SYN3: variants seen among roughly 807,000 people sequenced by gnomAD.
SYN3 encodes synapsin III, also known as synapsin-3.
In SYN3, 35 loss-of-function variants were observed where a neutral mutation model predicts 65.8. That is an observed-to-expected ratio of 0.53 (90% CI 0.41 to 0.70). SYN3 has a LOEUF of 0.70. SYN3 is among the 30% of genes least tolerant of loss of function. The pLI is 0.00. For missense variants in SYN3, 680 were observed against 749.0 expected (o/e 0.91, Z 1.08); for synonymous variants, 270 against 292.9 (o/e 0.92, Z 0.80).
chr22:32,956,335 T>C (rs1200872822), intron 3 of SYN3, among the ~76,000 whole-genome samples: 1 of 151,946 alleles, frequency 6.6e-6, no homozygotes. Context: ...TTTGTATTTT[T>C]AGTAGAGACA....
intron 7 of SYN3, among the ~76,000 whole-genome samples, chr22:32,543,048 T>C (rs2058283831): frequency 6.6e-6 from 1 of 152,044 alleles, no homozygotes. Flanking sequence ...GTGGGGTTGG[T>C]CTCGGCCACA....
At chr22:32,692,657 G>C (rs2060681103) in intron 6 of SYN3, among the ~76,000 whole-genome samples, 1 of 152,204 alleles carries the variant, frequency 6.6e-6, no homozygotes, top group African/African-American at 2.4e-5. Flanking sequence ...ATTCTTTAAA[G>C]TTCAGCTCAT....
At chr22:32,953,073 T>C (rs1335537162) in intron 3 of SYN3, among the ~76,000 whole-genome samples, 1 of 152,228 alleles carries the variant, frequency 6.6e-6, no homozygotes, top group African/African-American at 2.4e-5. Context: ...ACTAATTAAT[T>C]TGATTATCAC....
At chr22:32,538,214 G>T (rs2146215072) in intron 8 of SYN3, 104 bp from the exon 9 acceptor site, 6 of 965,350 alleles carry the variant, frequency 6.2e-6, no homozygotes, top group Non-Finnish European at 1.0e-5. Flanking sequence ...CAAATAACTG[G>T]CTCACGTAAT....
intron 3 of SYN3, among the ~76,000 whole-genome samples, chr22:32,957,257 A>C (rs2051494649): frequency 6.6e-6 from 1 of 152,212 alleles, no homozygotes; most frequent in Non-Finnish European, 1.5e-5. Flanking sequence ...AAGTAAACGC[A>C]AACATGGGTA....
chr22:33,021,308 T>C (rs2053555267), intron 1 of SYN3, among the ~76,000 whole-genome samples: 1 of 152,210 alleles, frequency 6.6e-6, no homozygotes, highest in South Asian at 2.1e-4. Context: ...AAATGTTTAT[T>C]TTTTAAGTTA....
intron 6 of SYN3, among the ~76,000 whole-genome samples, chr22:32,730,535 A>G (rs1276367035): frequency 6.6e-6 from 1 of 152,198 alleles, no homozygotes; most frequent in African/African-American, 2.4e-5. Context: ...GTTCAAGAGG[A>G]TTCTGGTCTA....
intron 3 of SYN3, among the ~76,000 whole-genome samples, chr22:32,962,623 G>A (rs1451493285): frequency 6.6e-6 from 1 of 152,124 alleles, no homozygotes; most frequent in Non-Finnish European, 1.5e-5. Flanking sequence ...GGGCAGCTTG[G>A]GAGCCAGACG....
chr22:32,690,335 A>C (rs952524136), intron 6 of SYN3, among the ~76,000 whole-genome samples: 1 of 152,176 alleles, frequency 6.6e-6, no homozygotes, highest in Admixed American at 6.5e-5. Context: ...GATGAGAAAT[A>C]CATTTGTTGT....
intron 7 of SYN3, among the ~76,000 whole-genome samples, chr22:32,591,794 C>A (rs1393347325): frequency 6.6e-6 from 1 of 152,140 alleles, no homozygotes; most frequent in East Asian, 1.9e-4. Context: ...CAGAAATAAA[C>A]AATTCCTAGG....
chr22:32,851,694 C>G (rs2048222865), intron 6 of SYN3, among the ~76,000 whole-genome samples: 1 of 152,216 alleles, frequency 6.6e-6, no homozygotes, highest in Non-Finnish European at 1.5e-5. Context: ...GATCCCCAAG[C>G]TGAGGCATCG....
At position 32,679,839 on chromosome 22, in the gene SYN3, C is replaced by CTTTTTTTTTTTTTTTTTTTTTTTTTTTTT. The variant is rs747116076; in HGVS notation, c.712-83104_712-83103insAAAAAAAAAAAAAAAAAAAAAAAAAAAAA. Among the ~76,000 whole-genome samples the CTTTTTTTTTTTTTTTTTTTTTTTTTTTTT allele has an allele frequency of 9.5e-4, 37 of 39,150 alleles. 10 individuals are homozygous for CTTTTTTTTTTTTTTTTTTTTTTTTTTTTT. The highest frequency in any genetic ancestry group is 1.6e-3 in the Non-Finnish European group (34 of 21,564). 25.7% of individuals were successfully genotyped at this position (39,150 alleles called of 152,430 possible). On this transcript the variant is annotated intron_variant, in intron 6 of 13. Transcript: ENST00000358763. ...AAACTGGGTGAGGTTTGTTTTTTGGCTTTTTTTTTTTTTTTTTTTGCTATT... is the reference window on the plus strand; with the variant it reads ...AAACTGGGTGAGGTTTGTTTTTTGGCTTTTTTTTTTTTTTTTTTTTTTTTTTTTTTTTTTTTTTTTTTTTTTTTGCTATT...
At chr22:32,602,654 G>T (rs1188452911) in intron 6 of SYN3, among the ~76,000 whole-genome samples, 1 of 152,068 alleles carries the variant, frequency 6.6e-6, no homozygotes, top group Non-Finnish European at 1.5e-5. Flanking sequence ...TAGAGACGGG[G>T]TTTCACCATG....
intron 2 of SYN3, among the ~76,000 whole-genome samples, chr22:32,990,046 C>T (rs1364093206): frequency 6.6e-6 from 1 of 152,064 alleles, no homozygotes; most frequent in Non-Finnish European, 1.5e-5. Context: ...GAAATCCCCA[C>T]AGGAAAGGTA....
rs2057677552 is a variant in SYN3, at chr22:32,510,372, T to G, written c.*3320A>C. Among the ~76,000 whole-genome samples the G allele has an allele frequency of 6.6e-6, 1 of 152,248 alleles. No individual in the cohort carries two copies. Among genetic ancestry groups the G allele is most frequent in the South Asian group, 2.1e-4 (1 of 4,836 alleles). The stretch of plus-strand genomic sequence containing the variant: ...TTGTAACTAGCTCTGCCCATGGCCG[T>G]GGCCCACAGGTTGAGAAACTTTGTC... On this transcript the variant is annotated 3_prime_UTR_variant, in exon 14 of 14. Coordinates refer to ENST00000358763, the MANE Select transcript of SYN3 (RefSeq NM_003490.4).
intron 6 of SYN3, among the ~76,000 whole-genome samples, chr22:32,697,687 C>A (rs1307892682): frequency 2.0e-5 from 3 of 152,176 alleles, no homozygotes; most frequent in Admixed American, 1.3e-4. Context: ...GGGGACTCTG[C>A]TTCAAGTCAT....
At position 32,869,367 on chromosome 22, in the gene SYN3, T is replaced by TCA. The variant is rs774518145; in HGVS notation, c.462-244_462-243dup. Among the ~76,000 whole-genome samples, 1,338 of 142,460 alleles carry TCA rather than the reference T, an allele frequency of 9.4e-3. 59 individuals carry two copies. The highest frequency in any genetic ancestry group is 0.069 in the Admixed American group (978 of 14,072). 93.5% of individuals were successfully genotyped at this position (142,460 alleles called of 152,430 possible). ...CTCTCTCTCTCTCTCTCTCTCTCTCTCACAGGCTCTTTCCTAAATTCCCTG... is the reference window on the plus strand; with the variant it reads ...CTCTCTCTCTCTCTCTCTCTCTCTCTCACACAGGCTCTTTCCTAAATTCCCTG... On this transcript the variant is annotated intron_variant, in intron 4 of 13. Transcript: ENST00000358763.
intron 6 of SYN3, among the ~76,000 whole-genome samples, chr22:32,863,931 T>C (rs890506150): frequency 6.6e-6 from 1 of 152,184 alleles, no homozygotes; most frequent in Non-Finnish European, 1.5e-5. Flanking sequence ...GGGTTTCACA[T>C]GTGCCCTTCT....
At chr22:32,754,011 T>C (rs1446417220) in intron 6 of SYN3, among the ~76,000 whole-genome samples, 1 of 152,232 alleles carries the variant, frequency 6.6e-6, no homozygotes, top group African/African-American at 2.4e-5. Flanking sequence ...CTTCTTTTAA[T>C]CCCCATCCTT....
Sources: gnomAD v4.1 joint callset for allele counts (sites outside exome capture counted in the v4.1 genomes callset) on GRCh38, gnomAD v4.1.1 for gene constraint, MANE v1.5 for transcripts, NCBI Gene and HGNC (gene_info 2026-07-23, HGNC 2026-07-21) for gene names.